TENM2: variants seen among roughly 807,000 people sequenced by gnomAD.
TENM2 encodes teneurin-2.
In TENM2, 52 loss-of-function variants were observed where a neutral mutation model predicts 245.2. The observed-to-expected ratio is 0.21, with a 90% CI of 0.17 to 0.27. The LOEUF (loss-of-function observed/expected upper bound fraction) is 0.27, where lower values mean the gene tolerates loss of function less well. TENM2 is among the 10% of genes least tolerant of loss of function. The probability of loss-of-function intolerance (pLI) is 1.00; values close to 1 mark genes in which losing one functional copy is unlikely to be tolerated. For missense variants in TENM2, 3,046 were observed against 3,666.8 expected (o/e 0.83, Z 4.37); for synonymous variants, 1,363 against 1,438.9 (o/e 0.95, Z 1.19).
chr5:168,197,744 A>G (rs907069745), intron 15 of TENM2, among the ~76,000 whole-genome samples: 1 of 152,018 alleles, frequency 6.6e-6, no homozygotes, highest in Admixed American at 6.6e-5. Flanking sequence ...GGGAGGTAAA[A>G]TAAAGCTTAA....
chr5:167,252,113 A>G, the TENM2 span, among the ~76,000 whole-genome samples: 1 of 152,170 alleles, frequency 6.6e-6, no homozygotes, highest in African/African-American at 2.4e-5. Flanking sequence ...GTAAGAGTTC[A>G]TAAGATTAAT....
chr5:168,062,895 TG>T (rs538882259), intron 7 of TENM2, among the ~76,000 whole-genome samples: 1 of 152,180 alleles, frequency 6.6e-6, no homozygotes, highest in Non-Finnish European at 1.5e-5. Flanking sequence ...ACGGGGTTTT[TG>T]GGGGGTAGTG....
the TENM2 span, among the ~76,000 whole-genome samples, chr5:167,258,912 G>A: frequency 6.6e-6 from 1 of 152,136 alleles, no homozygotes; most frequent in African/African-American, 2.4e-5. Flanking sequence ...ATGAGAGCAT[G>A]CCAAGAATAG....
intron 2 of TENM2, among the ~76,000 whole-genome samples, chr5:167,570,519 A>C (rs1395924288): frequency 1.3e-5 from 2 of 152,196 alleles, no homozygotes; most frequent in Non-Finnish European, 2.9e-5. Context: ...TTTATAGATT[A>C]GGGCAGAGTC....
intron 2 of TENM2, among the ~76,000 whole-genome samples, chr5:167,646,040 C>T (rs1166216042): frequency 1.3e-5 from 2 of 151,094 alleles, no homozygotes; most frequent in Non-Finnish European, 2.9e-5. Flanking sequence ...CTTTATATTA[C>T]CCACCTAGCT....
the TENM2 span, among the ~76,000 whole-genome samples, chr5:167,130,211 A>T: frequency 2.0e-5 from 3 of 152,234 alleles, no homozygotes; most frequent in Non-Finnish European, 4.4e-5. Flanking sequence ...TGTAAAGAAT[A>T]ATACAAAAAT....
the TENM2 span, among the ~76,000 whole-genome samples, chr5:167,090,979 A>G: frequency 2.6e-5 from 4 of 152,200 alleles, no homozygotes; most frequent in South Asian, 8.3e-4. Context: ...CCCAGCAGCC[A>G]AGGAAGCAAA....
chr5:167,240,964 T>C, the TENM2 span, among the ~76,000 whole-genome samples: 2 of 152,190 alleles, frequency 1.3e-5, no homozygotes, highest in Admixed American at 6.5e-5. Context: ...TCTCCATCAT[T>C]GTGCTGTATC....
chr5:167,513,841 T>C (rs530800471), intron 2 of TENM2, among the ~76,000 whole-genome samples: 10 of 152,318 alleles, frequency 6.6e-5, no homozygotes, highest in Non-Finnish European at 1.5e-4. Context: ...AGCTGTGCTA[T>C]CGAGTTGGCG....
At chr5:167,941,956 C>T (rs1779218012) in intron 3 of TENM2, among the ~76,000 whole-genome samples, 1 of 152,114 alleles carries the variant, frequency 6.6e-6, no homozygotes, top group South Asian at 2.1e-4. Context: ...ACCTGTAATC[C>T]CAGCACTTTG....
At chr5:167,071,368 TG>T in the TENM2 span, among the ~76,000 whole-genome samples, 1 of 152,196 alleles carries the variant, frequency 6.6e-6, no homozygotes, top group East Asian at 1.9e-4. Context: ...TATAATTAAG[TG>T]CTAAAGCTGT....
At chr5:167,987,674 G>A (rs183406498) in intron 4 of TENM2, among the ~76,000 whole-genome samples, 3 of 151,966 alleles carry the variant, frequency 2.0e-5, no homozygotes, top group Non-Finnish European at 2.9e-5. Context: ...TACCTGGATA[G>A]GGCCCAGGAT....
At chr5:167,620,868 G>T (rs1002607215) in intron 2 of TENM2, among the ~76,000 whole-genome samples, 15 of 151,856 alleles carry the variant, frequency 9.9e-5, no homozygotes, top group African/African-American at 3.6e-4. Context: ...CCAGTTCCTT[G>T]GTTTCTCTCC....
intron 2 of TENM2, among the ~76,000 whole-genome samples, chr5:167,662,361 T>C (rs1284909820): frequency 6.6e-6 from 1 of 152,192 alleles, no homozygotes; most frequent in Non-Finnish European, 1.5e-5. Flanking sequence ...TTTATGTGTG[T>C]TGTTCATTTT....
At chr5:167,308,725 A>G (rs1755831586) in intron 1 of TENM2, among the ~76,000 whole-genome samples, 2 of 152,192 alleles carry the variant, frequency 1.3e-5, no homozygotes, top group African/African-American at 4.8e-5. Context: ...CATGTTCCTC[A>G]TATAAATATG....
chr5:167,992,903 G>A, intron 4 of TENM2, 41 bp from the exon 7 acceptor site: 1 of 1,519,124 alleles, frequency 6.6e-7, no homozygotes, highest in Non-Finnish European at 9.1e-7. Flanking sequence ...TTGCTCCTTG[G>A]CTACCCATGA....
At chr5:167,843,834 A>G (rs1769779081) in intron 2 of TENM2, among the ~76,000 whole-genome samples, 1 of 152,188 alleles carries the variant, frequency 6.6e-6, no homozygotes, top group African/African-American at 2.4e-5. Flanking sequence ...CTCTCTTTCA[A>G]CTATAGGAGA....
At chr5:167,305,159 G>C (rs1281398854) in intron 1 of TENM2, among the ~76,000 whole-genome samples, 1 of 152,148 alleles carries the variant, frequency 6.6e-6, no homozygotes, top group Non-Finnish European at 1.5e-5. Flanking sequence ...CTGGATATTG[G>C]AAGGCAAGGT....
chr5:167,737,558 G>A (rs771690794), intron 2 of TENM2, among the ~76,000 whole-genome samples: 3 of 152,126 alleles, frequency 2.0e-5, no homozygotes, highest in Non-Finnish European at 4.4e-5. Flanking sequence ...ATGTGTACCC[G>A]CTGAGGGTCC....
Sources: gnomAD v4.1 joint callset for allele counts (sites outside exome capture counted in the v4.1 genomes callset) on GRCh38, gnomAD v4.1.1 for gene constraint, MANE v1.5 for transcripts, NCBI Gene and HGNC (gene_info 2026-07-23, HGNC 2026-07-21) for gene names.